The following DCBLD1 variants were observed in gnomAD, a reference collection of about 807,000 sequenced individuals.
DCBLD1 encodes discoidin, CUB and LCCL domain containing 1.
In DCBLD1, 57 loss-of-function variants were observed where a neutral mutation model predicts 71.5. The observed-to-expected ratio is 0.80, with a 90% confidence interval of 0.64 to 0.99. DCBLD1 has a LOEUF of 0.99. Ranked by LOEUF, DCBLD1 falls within the 50% of genes least tolerant of loss-of-function variation. The pLI is 0.00. For synonymous variants in DCBLD1, 380 were observed against 363.8 expected, an observed-to-expected ratio of 1.04 and a Z score of -0.51; for missense variants, 891 against 923.5, an observed-to-expected ratio of 0.96 and a Z score of 0.46.
chr6:117,549,519 G>A lies in DCBLD1; in HGVS notation c.*1080G>A, dbSNP rs1367864639. ...GTTTTTATTTGAGTTTCTTTTGTGAGTTAACTATGGGAGATTTAACCTCTT... is the reference window on the plus strand; with the variant it reads ...GTTTTTATTTGAGTTTCTTTTGTGAATTAACTATGGGAGATTTAACCTCTT... On this transcript the variant is annotated 3_prime_UTR_variant, in exon 15 of 15. Coordinates refer to ENST00000338728, the MANE Select transcript of DCBLD1 (RefSeq NM_001366458.2). The A allele has an allele frequency of 1.0e-6, 1 of 985,326 alleles. No individual in the cohort carries two copies. Among genetic ancestry groups the A allele is most frequent in the Non-Finnish European group, 1.2e-6 (1 of 829,914 alleles). The allele number at this position is 985,326 out of a possible 1,614,324, so 61.0% of individuals were successfully genotyped here.
At chr6:117,526,585 A>C (rs973800009) in intron 5 of DCBLD1, among the ~76,000 whole-genome samples, 2 of 152,188 alleles carry the variant, frequency 1.3e-5, no homozygotes, top group African/African-American at 4.8e-5. Flanking sequence ...TAACAGGTAA[A>C]TGGTTTCCTG....
At chr6:117,495,512 T>C (rs1777439362) in intron 1 of DCBLD1, among the ~76,000 whole-genome samples, 1 of 152,180 alleles carries the variant, frequency 6.6e-6, no homozygotes, top group South Asian at 2.1e-4. Flanking sequence ...AGATTATGGA[T>C]GATGGAATTC....
chr6:117,488,049 A>G (rs1777151162), intron 1 of DCBLD1, among the ~76,000 whole-genome samples: 1 of 152,158 alleles, frequency 6.6e-6, no homozygotes, highest in South Asian at 2.1e-4. Flanking sequence ...CCAACTGTCA[A>G]ACTTGCCTTT....
In DCBLD1 at chr6:117,541,001, A is replaced by G; in HGVS notation, c.1333A>G (p.Ile445Val). ...KKEDETITRP[I>V]PSEETSTGIN... is the part of the protein sequence containing the mutation. Reference sequence around the variant, plus strand: ...AGAAGATGAGACAATCACAAGGCCCATCCCCTCGGAAGAAACATCCACAGG... The same window carrying G: ...AGAAGATGAGACAATCACAAGGCCCGTCCCCTCGGAAGAAACATCCACAGG... The change falls in exon 11 of 15, where the codon ATC becomes GTC. Residue 445 changes from isoleucine (I) to valine (V), a missense_variant. Transcript: ENST00000338728. 4.3e-6 allele frequency: 7 copies of G among 1,614,170 alleles called. No individual in the cohort carries two copies. The highest frequency in any genetic ancestry group is 5.9e-6 in the Non-Finnish European group (7 of 1,180,032).
intron 2 of DCBLD1, among the ~76,000 whole-genome samples, chr6:117,513,033 G>T (rs548531390): frequency 3.9e-5 from 6 of 152,234 alleles, no homozygotes; most frequent in African/African-American, 1.2e-4. Context: ...CATCTGAAGT[G>T]ACTTGGAACA....
chr6:117,527,064 G>A (rs995073177), intron 5 of DCBLD1, among the ~76,000 whole-genome samples: 2 of 152,186 alleles, frequency 1.3e-5, no homozygotes, highest in African/African-American at 4.8e-5. Context: ...CCTGGATTTT[G>A]GCTGGAGGCC....
chr6:117,535,575 C>T (rs1168592647), intron 6 of DCBLD1, among the ~76,000 whole-genome samples: 3 of 152,130 alleles, frequency 2.0e-5, no homozygotes, highest in African/African-American at 7.2e-5. Context: ...GGAGGAAAGC[C>T]AGGCAGAGAG....
In DCBLD1 at chr6:117,519,884, T is replaced by G; in HGVS notation, c.394T>G (p.Phe132Val). Reference sequence around the variant, plus strand: ...GAACACAAGTGAAGTAACCGTCCGCTTTGAGAGTGGATCCCACATTTCTGG... The same window carrying G: ...GAACACAAGTGAAGTAACCGTCCGCGTTGAGAGTGGATCCCACATTTCTGG... Reference protein sequence around the residue: ...LLNTSEVTVRFESGSHISGRG... With the variant: ...LLNTSEVTVRVESGSHISGRG... Residue 132 changes from phenylalanine (F) to valine (V), a missense_variant, in exon 3 of 15, where the codon TTT becomes GTT. Coordinates refer to ENST00000338728, the MANE Select transcript of DCBLD1 (RefSeq NM_001366458.2). 2.5e-6 allele frequency: 4 copies of G among 1,614,168 alleles called. No individual in the cohort carries two copies. Among genetic ancestry groups the G allele is most frequent in the Non-Finnish European group, 3.4e-6 (4 of 1,180,004 alleles).
chr6:117,507,053 T>C (rs1274997901), intron 2 of DCBLD1, among the ~76,000 whole-genome samples: 1 of 152,254 alleles, frequency 6.6e-6, no homozygotes, highest in Non-Finnish European at 1.5e-5. Context: ...AATGTGGAGT[T>C]AATGTTTTGA....
intron 14 of DCBLD1, among the ~76,000 whole-genome samples, chr6:117,568,164 C>T (rs912758098): frequency 4.6e-5 from 7 of 151,968 alleles, no homozygotes; most frequent in Non-Finnish European, 1.0e-4. Context: ...TGTGCCACTG[C>T]ACTCCAGCCT....
chr6:117,526,122 T>C (rs917288110), intron 5 of DCBLD1, among the ~76,000 whole-genome samples: 3 of 152,252 alleles, frequency 2.0e-5, no homozygotes, highest in Non-Finnish European at 4.4e-5. Context: ...TGTATTTTTA[T>C]GCCTGTGGGA....
chr6:117,563,398 GA>G (rs760738572), intron 14 of DCBLD1: 62 of 1,582,442 alleles, frequency 3.9e-5, no homozygotes, highest in African/African-American at 6.9e-5. Flanking sequence ...AAAGAAAGGA[GA>G]AAAAAAAAGC....
chr6:117,486,218 A>G (rs778873133), intron 1 of DCBLD1, among the ~76,000 whole-genome samples: 33 of 152,236 alleles, frequency 2.2e-4, no homozygotes, highest in Non-Finnish European at 4.6e-4. Context: ...TTTAAGATAC[A>G]TGGGGGCATG....
Position 117,538,806 on chromosome 6 carries a change from T to C in DCBLD1, c.947T>C (p.Ile316Thr). 6.2e-7 allele frequency: 1 copy of C among 1,613,774 alleles called. No individual in the cohort carries two copies. Among genetic ancestry groups the C allele is most frequent in the Non-Finnish European group, 8.5e-7 (1 of 1,179,894 alleles). The part of the protein sequence containing the change: ...NNHKPREWLE[I>T]DLGEKKKITG... Reference sequence around the variant, plus strand: ...CACAAACCACGAGAGTGGCTGGAGATCGATTTGGGGGAGAAAAAGAAAATA... The same window carrying C: ...CACAAACCACGAGAGTGGCTGGAGACCGATTTGGGGGAGAAAAAGAAAATA... Residue 316 changes from isoleucine (I) to threonine (T), a missense_variant, in exon 8 of 15, where the codon ATC becomes ACC. By Grantham distance (89) the Ile-to-Thr change is moderately conservative. Coordinates refer to ENST00000338728, the MANE Select transcript of DCBLD1 (RefSeq NM_001366458.2).
chr6:117,485,649 A>G (rs1777059815), intron 1 of DCBLD1, among the ~76,000 whole-genome samples: 1 of 152,190 alleles, frequency 6.6e-6, no homozygotes, highest in Non-Finnish European at 1.5e-5. Context: ...CTAGTATCTG[A>G]CAAAGGTGCT....
rs1777978741 is a variant in DCBLD1 at position 117,510,362 on chromosome 6, C to CACAG, written c.325+6386_325+6387insGACA. Among the ~76,000 whole-genome samples the CACAG allele has an allele frequency of 2.1e-5, 3 of 142,036 alleles. No homozygotes were observed. The East Asian group carries it at 5.9e-4, about 28-fold the overall frequency. The allele number at this position is 142,036 out of a possible 152,430, so 93.2% of individuals were successfully genotyped here. A position where few individuals can be genotyped will look rare whatever the true frequency, so the allele number is the denominator to read the frequency against. ...ACACAGACACACACACAGACACAGA[C>CACAG]ACACACACACACACACACACGTAAA... On this transcript the variant is annotated intron_variant, in intron 2 of 14. Transcript: ENST00000338728.
chr6:117,548,216 T>TGTG lies in DCBLD1; in HGVS notation c.1925_1926insGTG (p.Val642_Ala643insTer). The TGTG allele has an allele frequency of 4.5e-6, 7 of 1,550,474 alleles. No individual in the cohort carries two copies. The highest frequency in any genetic ancestry group is 2.0e-5 in the Admixed American group (1 of 51,002). On this transcript the variant is annotated stop_gained and inframe_insertion, in exon 15 of 15. Coordinates refer to ENST00000338728, the MANE Select transcript of DCBLD1 (RefSeq NM_001366458.2). LOFTEE classifies it low-confidence loss of function (END_TRUNC). ...CTCTCCTCGGGCGGCTTCTCCCCCG[T>TGTG]AGCGGGTGTGGGCGCCCAGGACGGA...
chr6:117,548,666 G>T lies in DCBLD1; in HGVS notation c.*227G>T. 1 of 1,414,596 alleles carries T rather than the reference G, an allele frequency of 7.1e-7. No individual in the cohort carries two copies. Among genetic ancestry groups the T allele is most frequent in the Non-Finnish European group, 9.2e-7 (1 of 1,090,970 alleles). 87.6% of individuals were successfully genotyped at this position (1,414,596 alleles called of 1,614,324 possible). A position where few individuals can be genotyped will look rare whatever the true frequency, so the allele number is the denominator to read the frequency against. On this transcript the variant is annotated 3_prime_UTR_variant, in exon 15 of 15. Coordinates refer to ENST00000338728, the MANE Select transcript of DCBLD1 (RefSeq NM_001366458.2). The stretch of plus-strand genomic sequence containing the variant: ...AGGGTGCGTCTGTTGGGTTTTGTTG[G>T]GCTAGAAAAATGAAAATTTTCAGAT...
intron 7 of DCBLD1, 72 bp from the exon 8 acceptor site, chr6:117,538,548 T>G: frequency 7.2e-7 from 1 of 1,392,516 alleles, no homozygotes; most frequent in Non-Finnish European, 1.0e-6. Context: ...CTAGGTGAGA[T>G]GTGGTACTAC....
Sources: allele counts gnomAD v4.1 joint callset (sites outside exome capture counted in the v4.1 genomes callset), GRCh38; gene constraint gnomAD v4.1.1; transcripts MANE v1.5; gene names NCBI Gene and HGNC (gene_info 2026-07-23, HGNC 2026-07-21).